The following GRID2 variants were observed in gnomAD, a reference collection of about 807,000 sequenced individuals.
The protein encoded by GRID2 is glutamate receptor ionotropic, delta-2.
In GRID2, 33 loss-of-function variants were observed where a neutral mutation model predicts 114.8. That is an observed-to-expected ratio of 0.29 (90% CI 0.22 to 0.38). GRID2 has a LOEUF of 0.38. GRID2 is among the 10% of genes least tolerant of loss of function. The probability of loss-of-function intolerance (pLI) is 1.00; values close to 1 mark genes in which losing one functional copy is unlikely to be tolerated. For synonymous variants in GRID2, 505 were observed against 449.9 expected, an observed-to-expected ratio of 1.12 and a Z score of -1.55; for missense variants, 1,184 against 1,257.7, an observed-to-expected ratio of 0.94 and a Z score of 0.89.
chr4:92,629,652 A>G (rs191374822), intron 2 of GRID2, among the ~76,000 whole-genome samples: 11 of 152,204 alleles, frequency 7.2e-5, no homozygotes, highest in African/African-American at 2.4e-4. Flanking sequence ...AAAAGGCATA[A>G]GCCTGTTAGT....
rs571203795 is a variant in GRID2, at chr4:93,483,381, AT to A, written c.1859-7251del. On this transcript the variant is annotated intron_variant, in intron 11 of 15. Coordinates refer to ENST00000282020, the MANE Select transcript of GRID2 (RefSeq NM_001510.4). Reference sequence around the variant, plus strand: ...TTAAAAAAGGTATTAGTTTTCTCCCATTTTTTTCTAATTATAATTTATAAAA... The same window carrying A: ...TTAAAAAAGGTATTAGTTTTCTCCCATTTTTTCTAATTATAATTTATAAAA... Among the ~76,000 whole-genome samples the A allele has an allele frequency of 4.6e-5, 7 of 152,028 alleles. No homozygotes were observed. The East Asian group carries it at 7.8e-4, about 17-fold the overall frequency.
intron 13 of GRID2, among the ~76,000 whole-genome samples, chr4:93,565,868 C>T (rs777478786): frequency 1.3e-5 from 2 of 152,198 alleles, no homozygotes; most frequent in Middle Eastern, 3.4e-3. Flanking sequence ...CACACAATCA[C>T]GCACATGCAC....
chr4:92,820,919 A>G (rs1741241878), intron 2 of GRID2, among the ~76,000 whole-genome samples: 1 of 152,116 alleles, frequency 6.6e-6, no homozygotes, highest in Non-Finnish European at 1.5e-5. Flanking sequence ...CTGATTTTCA[A>G]ATTAACAAAA....
chr4:93,536,758 A>G (rs897090928), intron 13 of GRID2, among the ~76,000 whole-genome samples: 6 of 151,480 alleles, frequency 4.0e-5, no homozygotes, highest in Middle Eastern at 3.2e-3. Context: ...AAAAGAGACC[A>G]CACAATGATT....
At chr4:92,696,770 G>C (rs1474701810) in intron 2 of GRID2, among the ~76,000 whole-genome samples, 1 of 152,106 alleles carries the variant, frequency 6.6e-6, no homozygotes, top group Non-Finnish European at 1.5e-5. Flanking sequence ...GTTTAGACCT[G>C]TAATTGAAAG....
chr4:92,650,614 C>G lies in GRID2; in HGVS notation c.244+60328C>G, dbSNP rs546475328. On this transcript the variant is annotated intron_variant, in intron 2 of 15. Coordinates refer to ENST00000282020, the MANE Select transcript of GRID2 (RefSeq NM_001510.4). ...GAAGTACAAGGTATCTGAGTGGCAG[C>G]CTTGACTCCCAGTTCAGTGGAATTA... 1.4e-3 allele frequency among the ~76,000 whole-genome samples: 213 copies of G among 151,792 alleles called. 2 individuals carry two copies. The highest frequency in any genetic ancestry group is 4.4e-4 in the Non-Finnish European group (30 of 67,900).
chr4:93,362,040 G>A (rs1212118568), intron 8 of GRID2, among the ~76,000 whole-genome samples: 1 of 151,914 alleles, frequency 6.6e-6, no homozygotes, highest in Non-Finnish European at 1.5e-5. Context: ...GAGATGGGCT[G>A]TTAAATCAAT....
intron 2 of GRID2, among the ~76,000 whole-genome samples, chr4:92,657,434 T>C (rs935099530): frequency 3.3e-5 from 5 of 151,726 alleles, no homozygotes; most frequent in Admixed American, 2.0e-4. Context: ...AATATGCGTA[T>C]ACTCGTGCTA....
At chr4:92,806,756 A>G (rs952147877) in intron 2 of GRID2, among the ~76,000 whole-genome samples, 3 of 151,998 alleles carry the variant, frequency 2.0e-5, no homozygotes, top group African/African-American at 7.2e-5. Context: ...ACTTCTGCAA[A>G]TAAGTTTTAG....
At chr4:93,027,333 AC>A (rs1174879923) in intron 2 of GRID2, among the ~76,000 whole-genome samples, 1 of 152,128 alleles carries the variant, frequency 6.6e-6, no homozygotes, top group Non-Finnish European at 1.5e-5. Flanking sequence ...ACTAACTTCA[AC>A]ATTCTCAAAG....
intron 2 of GRID2, among the ~76,000 whole-genome samples, chr4:93,061,141 A>C (rs1039145219): frequency 6.8e-6 from 1 of 146,030 alleles, no homozygotes; most frequent in Non-Finnish European, 1.5e-5. Flanking sequence ...TAAATAAATA[A>C]ATAGCCATTG....
intron 2 of GRID2, among the ~76,000 whole-genome samples, chr4:92,892,830 A>T (rs1746883416): frequency 6.6e-6 from 1 of 152,216 alleles, no homozygotes; most frequent in African/African-American, 2.4e-5. Context: ...AGATTATTAC[A>T]GATTTGTAAA....
At chr4:92,556,861 C>T (rs181948589) in intron 1 of GRID2, among the ~76,000 whole-genome samples, 83 of 152,058 alleles carry the variant, frequency 5.5e-4, no homozygotes, top group Non-Finnish European at 7.2e-4. Context: ...TCAATAGGCT[C>T]GAGGTGAGGG....
intron 2 of GRID2, among the ~76,000 whole-genome samples, chr4:92,732,430 T>C (rs1736371409): frequency 6.6e-6 from 1 of 152,032 alleles, no homozygotes; most frequent in Non-Finnish European, 1.5e-5. Flanking sequence ...TGATAATATA[T>C]GACAAGCACC....
At chr4:92,500,872 T>G (rs1188854083) in intron 1 of GRID2, among the ~76,000 whole-genome samples, 1 of 152,132 alleles carries the variant, frequency 6.6e-6, no homozygotes, top group Non-Finnish European at 1.5e-5. Flanking sequence ...GAGTATTGCA[T>G]TTAATTAATC....
intron 4 of GRID2, among the ~76,000 whole-genome samples, chr4:93,148,786 A>G (rs922770388): frequency 1.3e-5 from 2 of 152,170 alleles, no homozygotes; most frequent in African/African-American, 4.8e-5. Flanking sequence ...TTTAATGGCT[A>G]TTTGTCTAGT....
intron 1 of GRID2, among the ~76,000 whole-genome samples, chr4:92,486,568 C>T (rs1007708789): frequency 1.3e-5 from 2 of 150,898 alleles, no homozygotes; most frequent in African/African-American, 4.9e-5. Context: ...CACACACACA[C>T]ACACACACAC....
intron 1 of GRID2, among the ~76,000 whole-genome samples, chr4:92,356,120 G>C (rs1728307425): frequency 6.6e-6 from 1 of 150,892 alleles, no homozygotes; most frequent in Admixed American, 6.6e-5. Flanking sequence ...TATTAAGTTG[G>C]GGAAATTTAT....
chr4:92,677,627 A>G (rs999688185), intron 2 of GRID2, among the ~76,000 whole-genome samples: 4 of 152,158 alleles, frequency 2.6e-5, no homozygotes, highest in African/African-American at 9.6e-5. Flanking sequence ...AGTGGGTGAC[A>G]ACTCCATCAT....
Sources: allele counts gnomAD v4.1 joint callset (sites outside exome capture counted in the v4.1 genomes callset), GRCh38; gene constraint gnomAD v4.1.1; transcripts MANE v1.5; gene names NCBI Gene and HGNC (gene_info 2026-07-23, HGNC 2026-07-21).